The following NLRP2 variants were observed in gnomAD, a reference collection of about 807,000 sequenced individuals.
NLRP2 encodes the protein NLR family pyrin domain containing 2, also known as NACHT, LRR and PYD domains-containing protein 2.
A neutral mutation model predicts 97.2 loss-of-function variants in NLRP2; 107 were observed. The ratio of observed to expected loss-of-function variants is 1.10; its 90% CI spans 0.94 to 1.29. The LOEUF (loss-of-function observed/expected upper bound fraction) is 1.29, where lower values mean the gene tolerates loss of function less well. NLRP2 is among the 50% of genes most tolerant of loss of function. The pLI is 0.00. For synonymous variants in NLRP2, 663 were observed against 551.5 expected, an observed-to-expected ratio of 1.20 and a Z score of -2.83; for missense variants, 1,495 against 1,330.3, an observed-to-expected ratio of 1.12 and a Z score of -1.93.
intron 6 of NLRP2, among the ~76,000 whole-genome samples, chr19:54,984,484 TC>T (rs1431087910): frequency 1.1e-5 from 1 of 93,456 alleles, no homozygotes; most frequent in Non-Finnish European, 2.0e-5. Context: ...ATATTCCCAA[TC>T]TTTTTTTTTT....
Position 54,982,176 on chromosome 19 carries a change from TGCAGG to T in NLRP2, c.479_483del (p.Cys160LeufsTer18). Reference sequence around the variant, plus strand: ...CAATGATAAAGACAAAGACAATAGGTGCAGGTATATATTGAAGACGAAGTTCCGGG... The same window carrying T: ...CAATGATAAAGACAAAGACAATAGGTTATATATTGAAGACGAAGTTCCGGG... On this transcript the variant is annotated frameshift_variant, in exon 6 of 13. Coordinates refer to ENST00000448584, the MANE Select transcript of NLRP2 (RefSeq NM_017852.5). LOFTEE classifies it high-confidence loss of function. The T allele has an allele frequency of 1.2e-6, 2 of 1,614,052 alleles. No homozygotes were observed. The highest frequency in any genetic ancestry group is 8.5e-7 in the Non-Finnish European group (1 of 1,180,036).
chr19:54,985,716 C>T (rs1444066916), intron 7 of NLRP2, among the ~76,000 whole-genome samples: 5 of 149,894 alleles, frequency 3.3e-5, no homozygotes, highest in South Asian at 2.1e-4. Flanking sequence ...AAAAAAAGGG[C>T]CGGGCACAAT....
chr19:54,973,920 A>C, intron 2 of NLRP2: 1 of 731,424 alleles, frequency 1.4e-6, no homozygotes, highest in Non-Finnish European at 2.5e-6. Flanking sequence ...GCCCAGGGGA[A>C]GTAGTGTTAT....
chr19:54,995,187 C>CT (rs34168825), intron 11 of NLRP2, among the ~76,000 whole-genome samples: 19,571 of 87,184 alleles, frequency 0.22, 2,832 homozygotes, highest in Middle Eastern at 0.28. Context: ...GTGGGTGCCT[C>CT]TTTTTTTTTT....
At chr19:54,981,998 G>C (rs913863795) in intron 5 of NLRP2, among the ~76,000 whole-genome samples, 164 bp from the exon 6 acceptor site, 5 of 151,990 alleles carry the variant, frequency 3.3e-5, no homozygotes, top group Non-Finnish European at 5.9e-5. Flanking sequence ...GGCTGGTGTT[G>C]AACTCCCAAT....
At chr19:54,993,399 C>G (rs992322556) in intron 10 of NLRP2, 2 of 151,870 alleles carry the variant, frequency 1.3e-5, no homozygotes, top group African/African-American at 2.4e-5. Context: ...CATTATAGTT[C>G]AAATTATAAT....
chr19:54,996,601 T>C (rs1409852402), intron 11 of NLRP2, among the ~76,000 whole-genome samples: 1 of 152,134 alleles, frequency 6.6e-6, no homozygotes, highest in East Asian at 1.9e-4. Context: ...GACGATGGCT[T>C]CAGGGTCTTC....
intron 1 of NLRP2, among the ~76,000 whole-genome samples, chr19:54,968,814 G>A (rs918837643): frequency 6.7e-6 from 1 of 150,072 alleles, no homozygotes; most frequent in Non-Finnish European, 1.5e-5. Flanking sequence ...CGATTCTCCT[G>A]CCTCAGCCTC....
intron 10 of NLRP2, chr19:54,991,114 G>T: frequency 6.4e-6 from 1 of 156,908 alleles, no homozygotes; most frequent in Non-Finnish European, 1.4e-5. Flanking sequence ...CATGCAATTG[G>T]TTGTAAATGG....
At chr19:54,984,974 C>A in intron 6 of NLRP2, 73 bp from the exon 7 acceptor site, 3 of 1,456,768 alleles carry the variant, frequency 2.1e-6, no homozygotes, top group Non-Finnish European at 2.9e-6. Context: ...GGGGTATATG[C>A]CCAGAGAAAC....
intron 8 of NLRP2, among the ~76,000 whole-genome samples, chr19:54,987,587 C>T (rs1459585163): frequency 6.6e-6 from 1 of 152,062 alleles, no homozygotes; most frequent in East Asian, 1.9e-4. Flanking sequence ...ACTAATAATA[C>T]AAAAATTAGC....
chr19:54,999,075 T>C (rs2073034540), intron 12 of NLRP2, among the ~76,000 whole-genome samples: 3 of 106,644 alleles, frequency 2.8e-5, no homozygotes, highest in Non-Finnish European at 6.7e-5. Context: ...GCTCCTCACT[T>C]CCCATTAGGG....
intron 1 of NLRP2, among the ~76,000 whole-genome samples, chr19:54,968,514 T>C (rs2070624877): frequency 6.6e-6 from 1 of 151,120 alleles, no homozygotes; most frequent in Admixed American, 6.6e-5. Context: ...TTTGTATTTT[T>C]TTGTAGAGAC....
chr19:54,969,477 CAAAA>C (rs757668995), intron 1 of NLRP2, among the ~76,000 whole-genome samples: 126 of 94,610 alleles, frequency 1.3e-3, no homozygotes, highest in African/African-American at 4.8e-3. Context: ...GACTCCGTCT[CAAAA>C]AAAAAAAAAA....
intron 8 of NLRP2, chr19:54,989,716 G>T: frequency 2.0e-6 from 1 of 499,894 alleles, no homozygotes; most frequent in South Asian, 2.1e-5. Context: ...GGGCGCGGTG[G>T]CTCACGCCTG....
intron 12 of NLRP2, 27 bp downstream of exon 12, chr19:54,997,514 G>A: frequency 1.2e-6 from 2 of 1,613,064 alleles, no homozygotes; most frequent in East Asian, 2.2e-5. Flanking sequence ...TCCCCATCAG[G>A]CTTTCTCCAG....
At chr19:54,989,992 A>C (rs1196781261) in intron 8 of NLRP2, 30 bp from the exon 9 acceptor site, 1 of 1,612,378 alleles carries the variant, frequency 6.2e-7, no homozygotes, top group Middle Eastern at 1.9e-4. Flanking sequence ...AAAAAAAAAA[A>C]AAAATGACGT....
At chr19:54,973,493 A>G (rs1468448763) in intron 2 of NLRP2, among the ~76,000 whole-genome samples, 2 of 151,776 alleles carry the variant, frequency 1.3e-5, no homozygotes, top group African/African-American at 4.8e-5. Flanking sequence ...CTCCTGCCTC[A>G]GCCTCCAGAG....
chr19:54,992,077 G>A (rs986011195), intron 10 of NLRP2, among the ~76,000 whole-genome samples: 5 of 150,796 alleles, frequency 3.3e-5, no homozygotes, highest in East Asian at 4.0e-4. Context: ...CCACCACGCC[G>A]GGCTAATTTT....
Sources: gnomAD v4.1 joint callset for allele counts (sites outside exome capture counted in the v4.1 genomes callset) on GRCh38, gnomAD v4.1.1 for gene constraint, MANE v1.5 for transcripts, NCBI Gene and HGNC (gene_info 2026-07-23, HGNC 2026-07-21) for gene names.